CREB5: variants seen among roughly 807,000 people sequenced by gnomAD.
The protein encoded by CREB5 is cyclic AMP-responsive element-binding protein 5.
CREB5 carries 19 observed loss-of-function variants against 57.1 expected under a neutral mutation model. The ratio of observed to expected loss-of-function variants is 0.33; its 90% CI spans 0.23 to 0.49. CREB5 has a LOEUF of 0.49. CREB5 is among the 20% of genes least tolerant of loss of function. The pLI, the probability that CREB5 is intolerant of heterozygous loss-of-function variation, is 0.99. For missense variants in CREB5, 579 were observed against 671.6 expected (o/e 0.86, Z 1.52); for synonymous variants, 238 against 238.3 (o/e 1.00, Z 0.01).
intron 4 of CREB5, among the ~76,000 whole-genome samples, chr7:28,543,282 A>G (rs193283866): frequency 4.6e-5 from 7 of 152,194 alleles, no homozygotes; most frequent in African/African-American, 1.4e-4. Context: ...TGCTTCCCCC[A>G]CAGGTGATCC....
At chr7:28,422,763 T>A (rs1409278370) in intron 1 of CREB5, among the ~76,000 whole-genome samples, 1 of 152,236 alleles carries the variant, frequency 6.6e-6, no homozygotes, top group African/African-American at 2.4e-5. Flanking sequence ...CGGTGAAGTG[T>A]ATAATCCGGA....
intron 4 of CREB5, among the ~76,000 whole-genome samples, chr7:28,569,369 G>A (rs183030300): frequency 4.6e-5 from 7 of 151,970 alleles, no homozygotes; most frequent in African/African-American, 1.2e-4. Flanking sequence ...CTCACCTTTC[G>A]GTCCCAATGT....
At chr7:28,421,399 T>C (rs1788239563) in intron 1 of CREB5, among the ~76,000 whole-genome samples, 1 of 152,110 alleles carries the variant, frequency 6.6e-6, no homozygotes, top group Non-Finnish European at 1.5e-5. Flanking sequence ...CCATAGGTTT[T>C]GGGGGAGCAG....
At chr7:28,534,477 G>A (rs998749764) in intron 4 of CREB5, among the ~76,000 whole-genome samples, 1 of 152,166 alleles carries the variant, frequency 6.6e-6, no homozygotes, top group African/African-American at 2.4e-5. Flanking sequence ...TAGCAATTGA[G>A]GCAATCCCTC....
chr7:28,702,590 C>T (rs1466797479), intron 5 of CREB5, among the ~76,000 whole-genome samples: 1 of 152,150 alleles, frequency 6.6e-6, no homozygotes, highest in Admixed American at 6.6e-5. Context: ...AGAAAGTAAG[C>T]GTACATTTTC....
intron 7 of CREB5, among the ~76,000 whole-genome samples, chr7:28,796,314 T>C (rs1013529007): frequency 1.3e-5 from 2 of 152,220 alleles, no homozygotes; most frequent in African/African-American, 2.4e-5. Flanking sequence ...GCTTGTTTCA[T>C]TTAGCATAAT....
At chr7:28,602,743 C>G (rs917459253) in intron 5 of CREB5, among the ~76,000 whole-genome samples, 84 of 152,146 alleles carry the variant, frequency 5.5e-4, no homozygotes, top group Non-Finnish European at 9.9e-4. Context: ...TATGGGGTAT[C>G]ATGAGGAATC....
chr7:28,665,425 T>A (rs1329208012), intron 5 of CREB5, among the ~76,000 whole-genome samples: 3 of 152,192 alleles, frequency 2.0e-5, no homozygotes, highest in African/African-American at 7.2e-5. Flanking sequence ...TAATAAAACA[T>A]AAAAACTCAA....
At chr7:28,683,108 C>G (rs1277235473) in intron 5 of CREB5, among the ~76,000 whole-genome samples, 1 of 152,164 alleles carries the variant, frequency 6.6e-6, no homozygotes, top group Non-Finnish European at 1.5e-5. Flanking sequence ...TTCTAAGAAG[C>G]CTCCCTCTGG....
chr7:28,514,119 G>T (rs1330227022), intron 4 of CREB5, among the ~76,000 whole-genome samples: 7 of 152,170 alleles, frequency 4.6e-5, no homozygotes, highest in Non-Finnish European at 2.9e-5. Context: ...GCATATTCGG[G>T]TTATTTGGAT....
intron 1 of CREB5, among the ~76,000 whole-genome samples, chr7:28,359,132 A>C (rs1408474933): frequency 6.6e-6 from 1 of 152,086 alleles, no homozygotes; most frequent in Non-Finnish European, 1.5e-5. Context: ...AAAACACTGG[A>C]TAGGGTGGGA....
intron 1 of CREB5, among the ~76,000 whole-genome samples, chr7:28,419,513 T>C (rs1317806013): frequency 3.3e-5 from 5 of 152,244 alleles, no homozygotes; most frequent in African/African-American, 7.2e-5. Context: ...GGCGATTATT[T>C]TGGATTCTTT....
At position 28,507,699 on chromosome 7, in the gene CREB5, G is replaced by A; in HGVS notation, c.253G>A (p.Glu85Lys). ...CGAGCTGGACTGCTCCCTGGAGCAC[G>A]AGTTCAGGAAGGCTCAGGAAGAGGA... The part of the protein sequence containing the change: ...FSELDCSLEH[E>K]FRKAQEEESS... Residue 85 changes from glutamate (E) to lysine (K), a missense_variant, in exon 4 of 11, where the codon GAG (glutamate) becomes AAG (lysine). Glu to Lys is a moderately conservative substitution (Grantham distance 56, BLOSUM62 1). Transcript: ENST00000357727. The A allele has an allele frequency of 1.9e-6, 3 of 1,611,110 alleles. No individual in the cohort carries two copies. Among genetic ancestry groups the A allele is most frequent in the Non-Finnish European group, 8.5e-7 (1 of 1,177,518 alleles).
intron 4 of CREB5, among the ~76,000 whole-genome samples, chr7:28,522,562 A>T (rs923378960): frequency 6.6e-6 from 1 of 151,574 alleles, no homozygotes; most frequent in Admixed American, 6.6e-5. Context: ...TGCCCGGCTA[A>T]TTTTTTTGTA....
At chr7:28,776,337 C>CAAAA (rs397720790) in intron 7 of CREB5, among the ~76,000 whole-genome samples, 1 of 114,426 alleles carries the variant, frequency 8.7e-6, no homozygotes. Flanking sequence ...GACTCTGTCT[C>CAAAA]AAAAAAAAAA....
At chr7:28,671,652 G>A (rs2128719354) in intron 5 of CREB5, among the ~76,000 whole-genome samples, 1 of 152,276 alleles carries the variant, frequency 6.6e-6, no homozygotes, top group Non-Finnish European at 1.5e-5. Context: ...GTTCTTATTT[G>A]TTTTGTTTAG....
At chr7:28,488,420 T>C (rs1791665973) in intron 2 of CREB5, among the ~76,000 whole-genome samples, 174 bp downstream of exon 2, 1 of 152,208 alleles carries the variant, frequency 6.6e-6, no homozygotes, top group African/African-American at 2.4e-5. Context: ...CATCATTATA[T>C]TCTGTTTTGA....
intron 4 of CREB5, among the ~76,000 whole-genome samples, chr7:28,525,103 A>C (rs1793391766): frequency 6.6e-6 from 1 of 151,748 alleles, no homozygotes; most frequent in Non-Finnish European, 1.5e-5. Flanking sequence ...TGCCTGGCTT[A>C]TTTCATTTAA....
intron 1 of CREB5, among the ~76,000 whole-genome samples, chr7:28,321,427 A>C (rs533051380): frequency 1.3e-5 from 2 of 152,214 alleles, no homozygotes; most frequent in East Asian, 1.9e-4. Flanking sequence ...TTTTTCTTCT[A>C]TCTCTCTCTC....
Sources: gnomAD v4.1 joint callset for allele counts (sites outside exome capture counted in the v4.1 genomes callset) on GRCh38, gnomAD v4.1.1 for gene constraint, MANE v1.5 for transcripts, NCBI Gene and HGNC (gene_info 2026-07-23, HGNC 2026-07-21) for gene names.